The following OTUD7B variants were observed in gnomAD, a reference collection of about 807,000 sequenced individuals.
OTUD7B encodes the protein OTU domain-containing protein 7B.
In OTUD7B, 34 loss-of-function variants were observed where a neutral mutation model predicts 82.2. That is an observed-to-expected ratio of 0.41 (90% confidence interval 0.31 to 0.55). The LOEUF (loss-of-function observed/expected upper bound fraction) is 0.55. Ranked by LOEUF, OTUD7B falls within the 20% of genes least tolerant of loss-of-function variation. The pLI, the probability that OTUD7B is intolerant of heterozygous loss-of-function variation, is 0.20. For synonymous variants in OTUD7B, 398 were observed against 402.7 expected (o/e 0.99, Z 0.14); for missense variants, 944 against 1,062.1 (o/e 0.89, Z 1.55).
At chr1:149,949,580 A>T (rs781923914) in intron 9 of OTUD7B, 49 bp downstream of exon 9, 14 of 1,588,694 alleles carry the variant, frequency 8.8e-6, no homozygotes, top group Non-Finnish European at 9.5e-6. Flanking sequence ...ATCTCATTCA[A>T]TTTTTTCAAG....
intron 1 of OTUD7B, among the ~76,000 whole-genome samples, chr1:150,002,188 C>T (rs781998600): frequency 3.6e-5 from 5 of 139,190 alleles, no homozygotes; most frequent in Non-Finnish European, 6.1e-5. Flanking sequence ...CTGAACTTTT[C>T]TAAATTTTGT....
intron 7 of OTUD7B, among the ~76,000 whole-genome samples, chr1:149,952,774 T>C (rs1442607252): frequency 4.6e-5 from 7 of 152,228 alleles, no homozygotes; most frequent in African/African-American, 7.2e-5. Flanking sequence ...CTCATTGTGA[T>C]TTTGATTTGC....
intron 1 of OTUD7B, among the ~76,000 whole-genome samples, chr1:149,983,793 A>G (rs782560752): frequency 1.3e-5 from 2 of 152,204 alleles, no homozygotes; most frequent in African/African-American, 4.8e-5. Flanking sequence ...CCCTGGTTAC[A>G]ATGTGAAGAG....
intron 11 of OTUD7B, among the ~76,000 whole-genome samples, chr1:149,946,705 G>A (rs1178482535): frequency 7.6e-6 from 1 of 131,108 alleles, no homozygotes; most frequent in East Asian, 2.4e-4. Flanking sequence ...TTGTGCCACT[G>A]CATTTCAGCC....
the OTUD7B span, among the ~76,000 whole-genome samples, chr1:150,030,991 C>G: frequency 1.3e-5 from 2 of 151,902 alleles, no homozygotes; most frequent in Non-Finnish European, 2.9e-5. Context: ...TGGGCTGGGT[C>G]CTCGAACTCC....
chr1:149,991,487 T>G (rs1022858602), intron 1 of OTUD7B, among the ~76,000 whole-genome samples: 3 of 152,204 alleles, frequency 2.0e-5, no homozygotes, highest in Non-Finnish European at 4.4e-5. Context: ...ATATTTCACA[T>G]TTGGGTCTTA....
the OTUD7B span, chr1:150,054,832 C>T: frequency 4.8e-5 from 2 of 41,650 alleles, no homozygotes; most frequent in African/African-American, 2.0e-4. Context: ...AAAAAAAAGA[C>T]GCTGCAGAAG....
At chr1:150,042,104 A>ACCCC in the OTUD7B span, among the ~76,000 whole-genome samples, 1 of 55,890 alleles carries the variant, frequency 1.8e-5, no homozygotes, top group Non-Finnish European at 3.5e-5. Flanking sequence ...AGAGGTGCAG[A>ACCCC]CCCTCCCTCC....
intron 2 of OTUD7B, among the ~76,000 whole-genome samples, chr1:149,976,664 T>C (rs1333084263): frequency 7.9e-6 from 1 of 126,570 alleles, no homozygotes. Flanking sequence ...TGTATAAAGA[T>C]ATAAGTAAAC....
chr1:150,036,426 A>G, the OTUD7B span, among the ~76,000 whole-genome samples: 1 of 150,778 alleles, frequency 6.6e-6, no homozygotes, highest in African/African-American at 2.4e-5. Context: ...CACTCAACTA[A>G]TTTTTGTATT....
At chr1:150,058,086 G>A in the OTUD7B span, among the ~76,000 whole-genome samples, 1 of 152,188 alleles carries the variant, frequency 6.6e-6, no homozygotes, top group Non-Finnish European at 1.5e-5. Flanking sequence ...TAGTATTAAA[G>A]CTCAACGGAA....
the OTUD7B span, among the ~76,000 whole-genome samples, chr1:150,060,901 G>A: frequency 1.3e-5 from 2 of 152,042 alleles, no homozygotes; most frequent in African/African-American, 4.8e-5. Flanking sequence ...TCTCGTGTAG[G>A]ATTTATTTTT....
At chr1:149,997,787 T>C (rs1352727630) in intron 1 of OTUD7B, among the ~76,000 whole-genome samples, 3 of 152,170 alleles carry the variant, frequency 2.0e-5, no homozygotes, top group African/African-American at 7.2e-5. Context: ...AATGTGGTCT[T>C]CAACTTCCCA....
the OTUD7B span, among the ~76,000 whole-genome samples, chr1:150,028,773 C>T: frequency 1.6e-4 from 25 of 152,274 alleles, no homozygotes; most frequent in Admixed American, 3.3e-4. Flanking sequence ...CAGGTTCAAG[C>T]GATTCTCCTG....
chr1:150,063,169 A>T, the OTUD7B span, among the ~76,000 whole-genome samples: 3 of 152,084 alleles, frequency 2.0e-5, no homozygotes, highest in Non-Finnish European at 2.9e-5. Flanking sequence ...AAATGGTTCT[A>T]GGCTAGGCAT....
intron 7 of OTUD7B, among the ~76,000 whole-genome samples, chr1:149,953,994 A>C (rs1052253055): frequency 1.3e-5 from 2 of 152,228 alleles, no homozygotes; most frequent in Admixed American, 1.3e-4. Flanking sequence ...ACCTGCAAAC[A>C]GGGACAATTT....
chr1:149,965,802 G>A lies in OTUD7B; in HGVS notation c.579C>T (p.Asn193=), dbSNP rs782256364. Residue 193 remains asparagine (N), a synonymous_variant, in exon 5 of 12, where the codon AAC becomes AAT. Coordinates refer to ENST00000581312, the MANE Select transcript of OTUD7B (RefSeq NM_020205.4). ...LLPLATTGDG[N]CLLHAASLGM... ...CAAGGGAGGCTGCATGCAGGAGGCA[G>A]TTCCCATCTCCAGTAGTTGCCAAAG... 3.1e-6 allele frequency: 5 copies of A among 1,613,924 alleles called. No individual in the cohort carries two copies. The Admixed American group carries it at 6.7e-5, about 22-fold the overall frequency.
chr1:149,949,638 T>C lies in OTUD7B; in HGVS notation c.1114A>G (p.Lys372Glu). ...LVSMEQKENT[K>E]EQAVIPLTDS... Reference sequence around the variant, plus strand: ...ACATGTCATTCAGCACCTTGTTCCTTGGTATTCTCCTTCTGCTCCATGGAC... The same window carrying C: ...ACATGTCATTCAGCACCTTGTTCCTCGGTATTCTCCTTCTGCTCCATGGAC... The change falls in exon 9 of 12, where the codon AAG becomes GAG. Residue 372 changes from lysine (K) to glutamate (E), a missense_variant. This residue lies in a region of OTUD7B where 530 missense variants were observed against 625.6 expected (regional missense o/e 0.85). Transcript: ENST00000581312. The C allele has an allele frequency of 6.2e-7, 1 of 1,613,742 alleles. No homozygotes were observed. The highest frequency in any genetic ancestry group is 8.5e-7 in the Non-Finnish European group (1 of 1,179,744).
chr1:149,957,928 G>A (rs949926802), intron 7 of OTUD7B, among the ~76,000 whole-genome samples: 10 of 152,244 alleles, frequency 6.6e-5, no homozygotes, highest in East Asian at 3.8e-4. Flanking sequence ...TCCAGGTACC[G>A]TCTGTCACGG....
Sources: allele counts gnomAD v4.1 joint callset (sites outside exome capture counted in the v4.1 genomes callset), GRCh38; gene constraint gnomAD v4.1.1; regional missense constraint gnomAD v4.1.1; transcripts MANE v1.5; gene names NCBI Gene and HGNC (gene_info 2026-07-23, HGNC 2026-07-21).